The following BNIP2 variants were observed in gnomAD, a reference collection of about 807,000 sequenced individuals.
BNIP2 encodes BCL2 interacting protein 2, also known as BCL2/adenovirus E1B 19 kDa protein-interacting protein 2.
Under a neutral mutation model 43.4 loss-of-function variants are expected in BNIP2, and 36 were observed. That is an observed-to-expected ratio of 0.83 (90% confidence interval 0.64 to 1.10). The LOEUF is 1.10. BNIP2 is among the 50% of genes least tolerant of loss of function. BNIP2 has a pLI of 0.00. For missense variants in BNIP2, 417 were observed against 374.1 expected (o/e 1.11, Z -0.95); for synonymous variants, 146 against 121.0 (o/e 1.21, Z -1.35).
intron 5 of BNIP2, among the ~76,000 whole-genome samples, chr15:59,673,010 T>C (rs1329057748): frequency 6.6e-6 from 1 of 152,202 alleles, no homozygotes; most frequent in African/African-American, 2.4e-5. Flanking sequence ...AAGCCAGCCC[T>C]ATTTTAGCAG....
At chr15:59,668,757 T>TAG (rs1555396252) in intron 9 of BNIP2, 135 bp downstream of exon 9, 13 of 588,026 alleles carry the variant, frequency 2.2e-5, no homozygotes, top group Admixed American at 4.1e-5. Context: ...TTTTCTTTGT[T>TAG]ACACACACAC....
At chr15:59,669,175 A>C (rs1892746295) in intron 8 of BNIP2, 101 bp downstream of exon 8, 1 of 1,059,876 alleles carries the variant, frequency 9.4e-7, no homozygotes. Context: ...ACATATCAAA[A>C]TATAGCTCTG....
chr15:59,678,871 T>A (rs1003814162), intron 4 of BNIP2: 3 of 1,301,328 alleles, frequency 2.3e-6, no homozygotes, highest in Non-Finnish European at 3.0e-6. Context: ...ACAAAACACA[T>A]AGGCACAAAA....
At chr15:59,687,995 G>A (rs1242196104) in intron 1 of BNIP2, among the ~76,000 whole-genome samples, 2 of 152,150 alleles carry the variant, frequency 1.3e-5, no homozygotes, top group East Asian at 3.8e-4. Context: ...TGATTTGGCC[G>A]CACTTAGCTT....
At position 59,665,036 on chromosome 15, in the gene BNIP2, C is replaced by T. The variant is rs180812944; in HGVS notation, c.894-916G>A. On this transcript the variant is annotated intron_variant, in intron 9 of 9. Coordinates refer to ENST00000607373, the MANE Select transcript of BNIP2 (RefSeq NM_004330.4). ...ATCCCAGCACTTTGGGAGGCCTAGG[C>T]GGGTGGATCACGAGGTCAGGAGTTC... Among the ~76,000 whole-genome samples the T allele has an allele frequency of 3.6e-3, 555 of 152,218 alleles. 2 individuals carry two copies. The highest frequency in any genetic ancestry group is 0.013 in the African/African-American group (524 of 41,540).
chr15:59,660,582 C>T lies in BNIP2; in HGVS notation c.*3487G>A, dbSNP rs1318644578. 1 of 152,076 alleles carries T rather than the reference C, an allele frequency of 6.6e-6. No homozygotes were observed. The highest frequency in any genetic ancestry group is 1.5e-5 in the Non-Finnish European group (1 of 68,026). 9.4% of individuals were successfully genotyped at this position (152,076 alleles called of 1,614,324 possible). On this transcript the variant is annotated 3_prime_UTR_variant, in exon 10 of 10. Transcript: ENST00000607373. ...ATTCCCTGAGCATTCACATAAACAG[C>T]CAAATAGAAATGTTATATAGTCTTT...
In BNIP2 at chr15:59,688,913, C is replaced by T. The variant is rs1316189398; in HGVS notation, c.-58+222G>A. 4 of 1,464,350 alleles carry T rather than the reference C, an allele frequency of 2.7e-6. No homozygotes were observed. In the African/African-American group the frequency reaches 4.3e-5, roughly 16 times the overall value. The allele number at this position is 1,464,350 out of a possible 1,614,324, so 90.7% of individuals were successfully genotyped here. ...AGCGACGGGGTGGGGGGCCAAACTG[C>T]CAAATACAAACAGGACCCAAGCCAA... is the stretch of plus-strand genomic sequence containing the variant. On this transcript the variant is annotated intron_variant, in intron 1 of 9. Coordinates refer to ENST00000607373, the MANE Select transcript of BNIP2 (RefSeq NM_004330.4).
At chr15:59,687,852 TATC>T (rs1333606939) in intron 1 of BNIP2, among the ~76,000 whole-genome samples, 3 of 151,916 alleles carry the variant, frequency 2.0e-5, no homozygotes, top group Admixed American at 6.6e-5. Context: ...ACACTTGTGT[TATC>T]ATCATTTTAT....
At chr15:59,670,834 G>A (rs1240400130) in intron 7 of BNIP2, among the ~76,000 whole-genome samples, 1 of 152,200 alleles carries the variant, frequency 6.6e-6, no homozygotes, top group Non-Finnish European at 1.5e-5. Context: ...AGCACTTCAG[G>A]AGGCCGAGGC....
rs1245712112 is a variant in BNIP2 at position 59,688,694 on chromosome 15, C to T, written c.-58+441G>A. ...TCTATTAAAGCCCTGATTACTTATG[C>T]TGCTTCCGTGTCTATTCCCCGCGGT... On this transcript the variant is annotated intron_variant, in intron 1 of 9. Transcript: ENST00000607373. The T allele has an allele frequency of 3.3e-6, 5 of 1,533,886 alleles. No individual in the cohort carries two copies. The African/African-American group carries it at 6.8e-5, about 21-fold the overall frequency.
Position 59,663,949 on chromosome 15 carries a change from A to C in BNIP2, c.*120T>G. On this transcript the variant is annotated 3_prime_UTR_variant, in exon 10 of 10. Transcript: ENST00000607373. ...ATAATACAAAAGTCCATTATGAAAA[A>C]GTCAAGTCTATTTTGTAACAGGTTA... The C allele has an allele frequency of 2.6e-6, 2 of 780,738 alleles. No individual in the cohort carries two copies. Among genetic ancestry groups the C allele is most frequent in the East Asian group, 5.8e-5 (2 of 34,772 alleles). 48.4% of individuals were successfully genotyped at this position (780,738 alleles called of 1,614,324 possible). A position where few individuals can be genotyped will look rare whatever the true frequency, so the allele number is the denominator to read the frequency against.
chr15:59,676,789 C>T (rs575050784), intron 5 of BNIP2: 257 of 1,506,702 alleles, frequency 1.7e-4, no homozygotes, highest in Admixed American at 6.1e-4. Flanking sequence ...CGGATATCTG[C>T]GGTGGCCGCC....
At chr15:59,676,662 A>G in intron 5 of BNIP2, 1 of 596,282 alleles carries the variant, frequency 1.7e-6, no homozygotes, top group South Asian at 2.1e-5. Context: ...AGTTTCTAAA[A>G]GTATTTAGAA....
chr15:59,680,284 A>C lies in BNIP2; in HGVS notation c.75T>G (p.Ile25Met). The C allele has an allele frequency of 6.2e-7, 1 of 1,603,532 alleles. No individual in the cohort carries two copies. The highest frequency in any genetic ancestry group is 1.1e-5 in the South Asian group (1 of 89,408). ...CAGTTATAGCTAGTATATCTGCTTC[A>C]ATACTATCATCTTCTGGTAAAGGTC... ...FPIPLPEDDS[I>M]EADILAITGP... The change falls in exon 3 of 10, where the codon ATT becomes ATG. Residue 25 changes from isoleucine to methionine, a missense_variant. Coordinates refer to ENST00000607373, the MANE Select transcript of BNIP2 (RefSeq NM_004330.4).
chr15:59,682,334 A>C, intron 2 of BNIP2, 74 bp downstream of exon 2: 1 of 1,419,282 alleles, frequency 7.0e-7, no homozygotes, highest in Non-Finnish European at 9.7e-7. Flanking sequence ...CTCAAAAAAA[A>C]AAAAAGTAAC....
At position 59,676,835 on chromosome 15, in the gene BNIP2, C is replaced by T. The variant is rs6151520; in HGVS notation, c.472+1076G>A. ...GCGCCGCTACTACTTCCCTTCCTGC[C>T]GGGAATTCTGCCTCAGCTGCCCTGG... On this transcript the variant is annotated intron_variant, in intron 5 of 9. Transcript: ENST00000607373. 2,140 of 1,555,642 alleles carry T rather than the reference C, an allele frequency of 1.4e-3. 25 individuals are homozygous for T. In the African/African-American group the frequency reaches 0.026, roughly 19 times the overall value.
intron 9 of BNIP2, among the ~76,000 whole-genome samples, chr15:59,668,361 G>A (rs552100092): frequency 6.6e-6 from 1 of 152,242 alleles, no homozygotes; most frequent in African/African-American, 2.4e-5. Flanking sequence ...CACATGCATT[G>A]TAATACTCAG....
At position 59,682,411 on chromosome 15, in the gene BNIP2, G is replaced by T; in HGVS notation, c.47C>A (p.Pro16Gln). The change falls in exon 2 of 10, where the codon CCG (proline) becomes CAG (glutamine). Residue 16 changes from proline to glutamine, a missense_variant. By Grantham distance (76) the Pro-to-Gln change is moderately conservative. Coordinates refer to ENST00000607373, the MANE Select transcript of BNIP2 (RefSeq NM_004330.4). The stretch of plus-strand genomic sequence containing the variant: ...TTCTTTTAAAAGCATTGCTCACATC[G>T]GAAAATCTTCATCTTGCCATTCTTC... ...LKEEWQDEDF[P>Q]IPLPEDDSIE... is the part of the protein sequence containing the mutation. The T allele has an allele frequency of 6.2e-7, 1 of 1,609,886 alleles. No individual in the cohort carries two copies. The highest frequency in any genetic ancestry group is 1.3e-5 in the African/African-American group (1 of 74,582).
rs1595683905 is a variant in BNIP2 at position 59,663,872 on chromosome 15, G to C, written c.*197C>G. Reference sequence around the variant, plus strand: ...GATAATAATACAGTTAGCTATTAAAGAGCTAAATTCAAGAAATTTGCAAAC... The same window carrying C: ...GATAATAATACAGTTAGCTATTAAACAGCTAAATTCAAGAAATTTGCAAAC... On this transcript the variant is annotated 3_prime_UTR_variant, in exon 10 of 10. Coordinates refer to ENST00000607373, the MANE Select transcript of BNIP2 (RefSeq NM_004330.4). The C allele has an allele frequency of 1.0e-5, 4 of 396,978 alleles. No individual in the cohort carries two copies. In the Admixed American group the frequency reaches 1.8e-4, roughly 18 times the overall value. 24.6% of individuals were successfully genotyped at this position (396,978 alleles called of 1,614,324 possible). A position where few individuals can be genotyped will look rare whatever the true frequency, so the allele number is the denominator to read the frequency against.
Sources: allele counts gnomAD v4.1 joint callset (sites outside exome capture counted in the v4.1 genomes callset), GRCh38; gene constraint gnomAD v4.1.1; transcripts MANE v1.5; gene names NCBI Gene and HGNC (gene_info 2026-07-23, HGNC 2026-07-21).